Variants in TMEM272 observed in about 807,000 individuals in gnomAD.
TMEM272 encodes the protein long intergenic non-protein coding RNA 282.
Under a neutral mutation model 3.7 loss-of-function variants are expected in TMEM272, and 8 were observed. The observed-to-expected ratio is 2.17, with a 90% CI of 1.27 to 3.91. The LOEUF is 3.91. Ranked by LOEUF, TMEM272 falls within the 30% of genes most tolerant of loss-of-function variation. The pLI, the probability that TMEM272 is intolerant of heterozygous loss-of-function variation, is 0.00. For missense variants in TMEM272, 166 were observed against 91.5 expected (o/e 1.81, Z -3.32); for synonymous variants, 63 against 39.8 (o/e 1.58, Z -2.20).
the TMEM272 span, among the ~76,000 whole-genome samples, chr13:51,878,122 A>ACG: frequency 6.6e-6 from 1 of 152,110 alleles, no homozygotes; most frequent in Non-Finnish European, 1.5e-5. Flanking sequence ...AGTGGGGGAA[A>ACG]CGCCCCTTAT....
the TMEM272 span, among the ~76,000 whole-genome samples, chr13:51,852,723 C>CA: frequency 2.0e-5 from 3 of 151,922 alleles, no homozygotes; most frequent in Non-Finnish European, 4.4e-5. Flanking sequence ...ACTAAAAATA[C>CA]AAAAAATTAG....
chr13:51,879,954 C>G, the TMEM272 span, among the ~76,000 whole-genome samples: 1 of 152,110 alleles, frequency 6.6e-6, no homozygotes, highest in Non-Finnish European at 1.5e-5. Context: ...ATGGATGCCT[C>G]AAGTTGACAC....
At chr13:51,925,288 T>C in the TMEM272 span, among the ~76,000 whole-genome samples, 8 of 152,316 alleles carry the variant, frequency 5.3e-5, no homozygotes, top group East Asian at 1.2e-3. Context: ...CTAAAACTGA[T>C]TAAAACTAGC....
chr13:51,895,742 A>G, the TMEM272 span, among the ~76,000 whole-genome samples: 1 of 152,226 alleles, frequency 6.6e-6, no homozygotes, highest in East Asian at 1.9e-4. Flanking sequence ...CTGAGCATGC[A>G]GCTAATGATG....
At chr13:51,917,389 G>A in the TMEM272 span, among the ~76,000 whole-genome samples, 1 of 152,162 alleles carries the variant, frequency 6.6e-6, no homozygotes, top group African/African-American at 2.4e-5. Context: ...GAGGGAGAGA[G>A]CAGAAGCAGG....
At chr13:51,819,190 G>C (rs1201827087) in intron 4 of TMEM272, among the ~76,000 whole-genome samples, 1 of 152,200 alleles carries the variant, frequency 6.6e-6, no homozygotes, top group East Asian at 1.9e-4. Flanking sequence ...GAGGTGCGAG[G>C]GTCCTCCTCT....
chr13:51,852,265 T>C, the TMEM272 span, among the ~76,000 whole-genome samples: 1 of 152,252 alleles, frequency 6.6e-6, no homozygotes, highest in Non-Finnish European at 1.5e-5. Flanking sequence ...ATTTTTTTCA[T>C]ATATTTAAGA....
At chr13:51,857,846 C>G in the TMEM272 span, among the ~76,000 whole-genome samples, 3 of 151,754 alleles carry the variant, frequency 2.0e-5, no homozygotes, top group Non-Finnish European at 4.4e-5. Context: ...AAAAACAAAA[C>G]TCAACTATAT....
intron 2 of TMEM272, among the ~76,000 whole-genome samples, chr13:51,828,569 T>G (rs183990159): frequency 1.3e-5 from 2 of 152,146 alleles, no homozygotes; most frequent in Admixed American, 1.3e-4. Flanking sequence ...ACCCCTGAGT[T>G]GTATATAATG....
the TMEM272 span, chr13:51,865,308 C>A: frequency 7.8e-7 from 1 of 1,289,358 alleles, no homozygotes; most frequent in East Asian, 2.3e-5. Flanking sequence ...ACTCATAGAT[C>A]TGTCTTTTCT....
the TMEM272 span, among the ~76,000 whole-genome samples, chr13:51,870,578 T>C: frequency 4.6e-5 from 7 of 151,992 alleles, no homozygotes; most frequent in African/African-American, 1.2e-4. Context: ...AAATCAGAAA[T>C]CCACAAGAAC....
chr13:51,895,047 C>T, the TMEM272 span, among the ~76,000 whole-genome samples: 24 of 152,202 alleles, frequency 1.6e-4, no homozygotes, highest in African/African-American at 5.8e-4. Flanking sequence ...GCTGATCTGA[C>T]AGGAGGTGGA....
chr13:51,925,363 G>T, the TMEM272 span, among the ~76,000 whole-genome samples: 1 of 152,190 alleles, frequency 6.6e-6, no homozygotes, highest in Non-Finnish European at 1.5e-5. Context: ...ATCAGCAAAA[G>T]TACTGCCGGT....
chr13:51,848,811 C>T (rs1173404586), upstream of TMEM272, among the ~76,000 whole-genome samples: 1 of 152,168 alleles, frequency 6.6e-6, no homozygotes, highest in Non-Finnish European at 1.5e-5. Context: ...CACTCTTCCC[C>T]AAGATTGCAC....
At chr13:51,927,969 G>A in the TMEM272 span, among the ~76,000 whole-genome samples, 2 of 152,064 alleles carry the variant, frequency 1.3e-5, no homozygotes, top group African/African-American at 2.4e-5. Flanking sequence ...GTACAGTCGG[G>A]TTTTGAACTC....
chr13:51,889,728 G>A, the TMEM272 span, among the ~76,000 whole-genome samples: 10 of 152,108 alleles, frequency 6.6e-5, no homozygotes, highest in East Asian at 3.9e-4. Flanking sequence ...CTTAACCTCC[G>A]CCTCCTGGGT....
At chr13:51,832,850 G>C (rs1461849548) in intron 2 of TMEM272, among the ~76,000 whole-genome samples, 1 of 152,228 alleles carries the variant, frequency 6.6e-6, no homozygotes, top group Non-Finnish European at 1.5e-5. Context: ...ACCAAGGTTT[G>C]GGTAGATGCA....
At chr13:51,858,063 T>C in the TMEM272 span, among the ~76,000 whole-genome samples, 3 of 152,134 alleles carry the variant, frequency 2.0e-5, no homozygotes, top group Admixed American at 6.5e-5. Context: ...AATATAACAA[T>C]TGTAAAATAT....
chr13:51,919,826 C>CT, the TMEM272 span, among the ~76,000 whole-genome samples: 1 of 152,212 alleles, frequency 6.6e-6, no homozygotes, highest in African/African-American at 2.4e-5. Flanking sequence ...TTTTCTTGTG[C>CT]TTGTTTGCTT....
Sources: gnomAD v4.1 joint callset for allele counts (sites outside exome capture counted in the v4.1 genomes callset) on GRCh38, gnomAD v4.1.1 for gene constraint, MANE v1.5 for transcripts, NCBI Gene and HGNC (gene_info 2026-07-23, HGNC 2026-07-21) for gene names.